The following TTC8 variants were observed in gnomAD, a reference collection of about 807,000 sequenced individuals.
The protein encoded by TTC8 is tetratricopeptide repeat domain 8, also known as tetratricopeptide repeat protein 8.
A neutral mutation model predicts 72.5 loss-of-function variants in TTC8; 47 were observed. That is an observed-to-expected ratio of 0.65 (90% CI 0.51 to 0.83). The LOEUF (loss-of-function observed/expected upper bound fraction) is 0.83. TTC8 is among the 40% of genes least tolerant of loss of function. TTC8 has a pLI of 0.00. For synonymous variants in TTC8, 199 were observed against 221.4 expected, an observed-to-expected ratio of 0.90 and a Z score of 0.90; for missense variants, 611 against 623.2, an observed-to-expected ratio of 0.98 and a Z score of 0.21.
chr14:88,876,401 A>G lies in TTC8; in HGVS notation c.1432-893A>G, dbSNP rs184200249. ...GAATTTATCTAGATTTTTTGAGTGT[A>G]TACATGAAAAAGCCTCTTCCTTTTT... On this transcript the variant is annotated intron_variant, in intron 14 of 14. Coordinates refer to ENST00000380656, the MANE Select transcript of TTC8 (RefSeq NM_144596.4). 3.5e-3 allele frequency among the ~76,000 whole-genome samples: 526 copies of G among 152,298 alleles called. 4 individuals carry two copies. The highest frequency in any genetic ancestry group is 4.9e-3 in the Non-Finnish European group (336 of 68,014).
At chr14:88,848,756 C>G (rs1393284160) in intron 7 of TTC8, among the ~76,000 whole-genome samples, 2 of 152,022 alleles carry the variant, frequency 1.3e-5, no homozygotes, top group African/African-American at 4.8e-5. Flanking sequence ...ATGACAGATA[C>G]TAGAAGGTAT....
Position 88,824,780 on chromosome 14 carries a change from G to T in TTC8, c.73G>T (p.Asp25Tyr), listed in dbSNP as rs772967779. 2 of 1,613,326 alleles carry T rather than the reference G, an allele frequency of 1.2e-6. No homozygotes were observed. The highest frequency in any genetic ancestry group is 2.2e-5 in the East Asian group (1 of 44,836). Residue 25 changes from aspartate to tyrosine, a missense_variant, in exon 1 of 15, where the codon GAT becomes TAT. Asp to Tyr is a radical substitution (Grantham distance 160). Transcript: ENST00000380656. ...FRRRKFQLCA[D>Y]LCTQMLEKSP... ...GCGCAGGAAGTTCCAGCTCTGCGCC[G>T]ATCTATGCACGCAGATGCTGGAGAA...
intron 10 of TTC8, among the ~76,000 whole-genome samples, chr14:88,862,936 T>C (rs984736277): frequency 1.2e-4 from 18 of 151,912 alleles, no homozygotes; most frequent in Admixed American, 4.6e-4. Flanking sequence ...GGGCAAATTC[T>C]ACCACCTTTT....
At chr14:88,855,247 A>G (rs1175866547) in intron 8 of TTC8, among the ~76,000 whole-genome samples, 2 of 152,274 alleles carry the variant, frequency 1.3e-5, no homozygotes, top group Non-Finnish European at 1.5e-5. Context: ...TTCTTTGATT[A>G]TCATTGCTTT....
intron 8 of TTC8, 50 bp from the exon 9 acceptor site, chr14:88,857,140 A>G (rs1176672305): frequency 1.3e-6 from 2 of 1,482,656 alleles, no homozygotes; most frequent in Admixed American, 3.3e-5. Context: ...GGTATGATGT[A>G]GTGTTTATTT....
At chr14:88,873,151 G>A (rs867082126) in intron 13 of TTC8, among the ~76,000 whole-genome samples, 2 of 152,132 alleles carry the variant, frequency 1.3e-5, no homozygotes, top group African/African-American at 2.4e-5. Flanking sequence ...GAGGCCCCAC[G>A]TGACCTGCCC....
intron 4 of TTC8, 31 bp downstream of exon 4, chr14:88,840,959 C>G: frequency 6.2e-7 from 1 of 1,613,980 alleles, no homozygotes; most frequent in Non-Finnish European, 8.5e-7. Context: ...ACCTCTGCCA[C>G]TAAATATTGA....
rs779358687 is a variant in TTC8, at chr14:88,841,053, G to A, written c.346G>A (p.Gly116Arg). The A allele has an allele frequency of 1.2e-6, 2 of 1,613,874 alleles. No homozygotes were observed. Among genetic ancestry groups the A allele is most frequent in the African/African-American group, 2.7e-5 (2 of 74,852 alleles). ...TCTTCACAGGCCAATCACACAAGCT[G>A]GAAGACCCATTACAGGTTTCCTCAG... ...SQAVRPITQA[G>R]RPITGFLRPS... Residue 116 changes from glycine (G) to arginine (R), a missense_variant, in exon 5 of 15, where the codon GGA becomes AGA. Coordinates refer to ENST00000380656, the MANE Select transcript of TTC8 (RefSeq NM_144596.4).
In TTC8 at chr14:88,861,211, C is replaced by A; in HGVS notation, c.799-11C>A. 6.4e-7 allele frequency: 1 copy of A among 1,570,296 alleles called. No homozygotes were observed. The highest frequency in any genetic ancestry group is 1.1e-5 in the South Asian group (1 of 89,454). On this transcript the variant is annotated splice_polypyrimidine_tract_variant and intron_variant, in intron 9 of 14. Coordinates refer to ENST00000380656, the MANE Select transcript of TTC8 (RefSeq NM_144596.4). Reference sequence around the variant, plus strand: ...AACCTATACTTTTATTGAAATGTATCTTGTTTTTAGGTTTATGTCTCATTG... The same window carrying A: ...AACCTATACTTTTATTGAAATGTATATTGTTTTTAGGTTTATGTCTCATTG...
chr14:88,857,912 C>T (rs1305483603), intron 9 of TTC8, among the ~76,000 whole-genome samples: 1 of 151,978 alleles, frequency 6.6e-6, no homozygotes, highest in Admixed American at 6.6e-5. Context: ...GCTGCAGTGC[C>T]ACCTGCAGCC....
chr14:88,878,328 C>T (rs1432388260), downstream of TTC8: 1 of 152,126 alleles, frequency 6.6e-6, no homozygotes, highest in Admixed American at 6.5e-5. Context: ...AAAGTGTTCA[C>T]ACAAGGAAAT....
At chr14:88,854,300 A>G (rs2094846588) in intron 8 of TTC8, among the ~76,000 whole-genome samples, 1 of 152,224 alleles carries the variant, frequency 6.6e-6, no homozygotes, top group African/African-American at 2.4e-5. Context: ...GTACCTTGTC[A>G]TATTAAATTA....
rs779691797 is a variant in TTC8 at position 88,853,027 on chromosome 14, G to C, written c.681G>C (p.Trp227Cys). 6.2e-7 allele frequency: 1 copy of C among 1,613,382 alleles called. No individual in the cohort carries two copies. The highest frequency in any genetic ancestry group is 1.3e-5 in the African/African-American group (1 of 75,006). ...TEHSQYKDWW[W>C]KVQIGKCYYR... ...ATTCTCAGTACAAGGACTGGTGGTG[G>C]AAAGTACAGATTGGAAAATGTTACT... The change falls in exon 8 of 15, where the codon TGG (tryptophan) becomes TGC (cysteine). Residue 227 changes from tryptophan to cysteine, a missense_variant. Transcript: ENST00000380656.
In TTC8 at chr14:88,839,458, T is replaced by C. The variant is rs772973556; in HGVS notation, c.151T>C (p.Trp51Arg). The C allele has an allele frequency of 4.3e-6, 7 of 1,612,900 alleles. No individual in the cohort carries two copies. In the East Asian group the frequency reaches 1.6e-4, roughly 36 times the overall value. Reference protein sequence around the residue: ...DPELPVHQAAWILKARALTEM... With the variant: ...DPELPVHQAARILKARALTEM... ...ATTTATCCATGGGTTTTAGGCAGCT[T>C]GGATCTTAAAAGCAAGAGCGCTAAC... is the stretch of plus-strand genomic sequence containing the variant. The change falls in exon 3 of 15, where the codon TGG becomes CGG. Residue 51 changes from tryptophan (W) to arginine (R), a missense_variant. Transcript: ENST00000380656.
At chr14:88,868,108 G>C (rs2094919079) in intron 10 of TTC8, among the ~76,000 whole-genome samples, 1 of 152,126 alleles carries the variant, frequency 6.6e-6, no homozygotes, top group African/African-American at 2.4e-5. Flanking sequence ...TTTGGCTTTA[G>C]ACCTATGCTC....
intron 10 of TTC8, among the ~76,000 whole-genome samples, chr14:88,865,541 G>C (rs1333099842): frequency 6.6e-6 from 1 of 152,156 alleles, no homozygotes; most frequent in South Asian, 2.1e-4. Context: ...GGTGGCACAT[G>C]CCTGTAATCC....
intron 10 of TTC8, among the ~76,000 whole-genome samples, chr14:88,869,555 A>C (rs1566857534): frequency 6.6e-6 from 1 of 151,108 alleles, no homozygotes; most frequent in East Asian, 1.9e-4. Context: ...GCTGCCTCTC[A>C]TCTCCTTTTG....
Position 88,839,473 on chromosome 14 carries a change from A to G in TTC8, c.166A>G (p.Arg56Gly). 6.2e-7 allele frequency: 1 copy of G among 1,612,744 alleles called. No individual in the cohort carries two copies. Among genetic ancestry groups the G allele is most frequent in the South Asian group, 1.1e-5 (1 of 91,044 alleles). Reference protein sequence around the residue: ...VHQAAWILKARALTEMVYIDE... With the variant: ...VHQAAWILKAGALTEMVYIDE... ...TTAGGCAGCTTGGATCTTAAAAGCAAGAGCGCTAACAGAAATGGTATACAT... is the reference window on the plus strand; with the variant it reads ...TTAGGCAGCTTGGATCTTAAAAGCAGGAGCGCTAACAGAAATGGTATACAT... The change falls in exon 3 of 15, where the codon AGA (arginine) becomes GGA (glycine). Residue 56 changes from arginine (R) to glycine (G), a missense_variant. Transcript: ENST00000380656.
chr14:88,856,917 C>G (rs2094858762), intron 8 of TTC8, among the ~76,000 whole-genome samples: 1 of 150,818 alleles, frequency 6.6e-6, no homozygotes, highest in Non-Finnish European at 1.5e-5. Context: ...ACTGATGTGA[C>G]CTGGCTTACT....
Sources: allele counts gnomAD v4.1 joint callset (sites outside exome capture counted in the v4.1 genomes callset), GRCh38; gene constraint gnomAD v4.1.1; transcripts MANE v1.5; gene names NCBI Gene and HGNC (gene_info 2026-07-23, HGNC 2026-07-21).